The following METTL21A variants were observed in gnomAD, a reference collection of about 807,000 sequenced individuals.
METTL21A encodes the protein protein N-lysine methyltransferase METTL21A.
A neutral mutation model predicts 20.9 loss-of-function variants in METTL21A; 22 were observed. The ratio of observed to expected loss-of-function variants is 1.05; its 90% CI spans 0.75 to 1.50. METTL21A has a LOEUF of 1.50. Ranked by LOEUF, METTL21A falls within the 40% of genes most tolerant of loss-of-function variation. The probability of loss-of-function intolerance (pLI) is 0.00; values close to 1 mark genes in which losing one functional copy is unlikely to be tolerated. For synonymous variants in METTL21A, 93 were observed against 102.0 expected (o/e 0.91, Z 0.53); for missense variants, 271 against 266.8 (o/e 1.02, Z -0.11).
intron 3 of METTL21A, among the ~76,000 whole-genome samples, chr2:207,582,362 AT>A (rs1161667631): frequency 6.6e-6 from 1 of 152,220 alleles, no homozygotes; most frequent in African/African-American, 2.4e-5. Flanking sequence ...AATTTTGTAT[AT>A]CTCCATCCCT....
exon 4 of METTL21A, chr2:207,612,930 G>C: frequency 9.2e-7 from 1 of 1,086,490 alleles, no homozygotes; most frequent in Non-Finnish European, 1.3e-6. Context: ...TCTCCCCTGA[G>C]AACCTTTGGC....
At chr2:207,590,738 G>A (rs1390713578) in intron 3 of METTL21A, among the ~76,000 whole-genome samples, 5 of 152,082 alleles carry the variant, frequency 3.3e-5, no homozygotes, top group East Asian at 1.9e-4. Context: ...CCAAAGCAGC[G>A]ATGGATAATA....
rs566033198 is a variant in METTL21A, at chr2:207,593,884, A to G, written c.260-11724T>C. Among the ~76,000 whole-genome samples, 5 of 152,054 alleles carry G rather than the reference A, an allele frequency of 3.3e-5. No individual in the cohort carries two copies. In the East Asian group the frequency reaches 9.7e-4, roughly 30 times the overall value. The stretch of plus-strand genomic sequence containing the variant: ...CAGGCACCTGCCACCATCCCCAGCT[A>G]ATTTTTGTATTTTTAGTAGAGACAG... On this transcript the variant is annotated intron_variant, in intron 3 of 3. Transcript: ENST00000425132.
chr2:207,593,254 G>A (rs9679258), intron 3 of METTL21A, among the ~76,000 whole-genome samples: 48,366 of 152,006 alleles, frequency 0.32, 7,978 homozygotes, highest in South Asian at 0.49. Context: ...GGCTGGGTGC[G>A]GTGGCTCATG....
chr2:207,582,212 AG>A, intron 3 of METTL21A: 2 of 702,564 alleles, frequency 2.8e-6, no homozygotes, highest in Non-Finnish European at 5.2e-6. Flanking sequence ...AAACCACCAC[AG>A]TAATTAGGTG....
downstream of METTL21A, among the ~76,000 whole-genome samples, chr2:207,606,782 T>C (rs1020127215): frequency 3.3e-5 from 5 of 152,226 alleles, no homozygotes; most frequent in African/African-American, 7.2e-5. Flanking sequence ...GTACATTATA[T>C]AGTGATTTTT....
At chr2:207,594,272 ATTCAG>A (rs2085682154) in intron 3 of METTL21A, among the ~76,000 whole-genome samples, 1 of 152,158 alleles carries the variant, frequency 6.6e-6, no homozygotes, top group South Asian at 2.1e-4. Context: ...AGTTTTAAGT[ATTCAG>A]TTCAGTCATG....
At chr2:207,598,803 G>C (rs2086594160) in intron 3 of METTL21A, 1 of 170,528 alleles carries the variant, frequency 5.9e-6, no homozygotes, top group East Asian at 1.1e-4. Context: ...AGCCGAGATA[G>C]CACCATTGCA....
intron 3 of METTL21A, among the ~76,000 whole-genome samples, chr2:207,620,017 T>A (rs1455513134): frequency 6.6e-6 from 1 of 152,250 alleles, no homozygotes; most frequent in African/African-American, 2.4e-5. Context: ...TGCACTTTGC[T>A]ACACTAACAT....
At chr2:207,619,395 A>G (rs1380552976) in intron 3 of METTL21A, among the ~76,000 whole-genome samples, 1 of 152,110 alleles carries the variant, frequency 6.6e-6, no homozygotes, top group African/African-American at 2.4e-5. Context: ...TTTCAAAATC[A>G]CTACCTATTC....
At chr2:207,597,348 A>G (rs2086343477) in intron 3 of METTL21A, 3 of 318,210 alleles carry the variant, frequency 9.4e-6, no homozygotes, top group Non-Finnish European at 1.7e-5. Flanking sequence ...TTTACTTGTA[A>G]ATTGATGGGA....
chr2:207,601,265 A>T (rs958532789), intron 3 of METTL21A: 22 of 185,566 alleles, frequency 1.2e-4, no homozygotes, highest in Admixed American at 4.4e-4. Flanking sequence ...GCACTTTTTT[A>T]AATGACCCAG....
At chr2:207,582,575 C>A (rs2083107810) in intron 3 of METTL21A, among the ~76,000 whole-genome samples, 1 of 151,712 alleles carries the variant, frequency 6.6e-6, no homozygotes, top group African/African-American at 2.4e-5. Context: ...CCATTTTTTT[C>A]TTTTTAAGCA....
chr2:207,623,386 C>A (rs929229018), intron 2 of METTL21A, among the ~76,000 whole-genome samples: 4 of 152,178 alleles, frequency 2.6e-5, no homozygotes, highest in African/African-American at 9.7e-5. Context: ...TGAGTTCCCA[C>A]TGAGTCCTAG....
intron 3 of METTL21A, among the ~76,000 whole-genome samples, chr2:207,618,971 A>G (rs2090140077): frequency 6.6e-6 from 1 of 152,100 alleles, no homozygotes; most frequent in Non-Finnish European, 1.5e-5. Context: ...GACCTCAGGC[A>G]AGTTACTTAC....
At chr2:207,602,401 C>A in intron 3 of METTL21A, 1 of 201,986 alleles carries the variant, frequency 5.0e-6, no homozygotes, top group Non-Finnish European at 1.0e-5. Context: ...ATTATTCTCA[C>A]CAGCAAGTAA....
chr2:207,590,541 AT>A (rs1337600214), intron 3 of METTL21A, among the ~76,000 whole-genome samples: 1 of 150,442 alleles, frequency 6.6e-6, no homozygotes, highest in Non-Finnish European at 1.5e-5. Context: ...TTAACTGTAA[AT>A]TTTTTCCTAT....
chr2:207,600,826 T>G, intron 3 of METTL21A: 1 of 206,952 alleles, frequency 4.8e-6, no homozygotes, highest in Non-Finnish European at 9.9e-6. Flanking sequence ...ATTTCTACCT[T>G]TTGGGGTGAC....
chr2:207,587,022 T>C (rs1250991006), intron 3 of METTL21A, among the ~76,000 whole-genome samples: 1 of 152,168 alleles, frequency 6.6e-6, no homozygotes, highest in African/African-American at 2.4e-5. Context: ...TCTAACTCTT[T>C]GTGTTAGAAT....
Sources: allele counts gnomAD v4.1 joint callset (sites outside exome capture counted in the v4.1 genomes callset), GRCh38; gene constraint gnomAD v4.1.1; transcripts MANE v1.5; gene names NCBI Gene and HGNC (gene_info 2026-07-23, HGNC 2026-07-21).